Variants in WDR59 observed in about 807,000 individuals in gnomAD.
WDR59 encodes GATOR2 complex protein WDR59.
A neutral mutation model predicts 131.2 loss-of-function variants in WDR59; 100 were observed. The observed-to-expected ratio is 0.76, with a 90% CI of 0.65 to 0.90. The LOEUF (loss-of-function observed/expected upper bound fraction) is 0.90, where lower values mean the gene tolerates loss of function less well. WDR59 is among the 40% of genes least tolerant of loss of function. WDR59 has a pLI of 0.00. For missense variants in WDR59, 1,203 were observed against 1,262.2 expected (o/e 0.95, Z 0.71); for synonymous variants, 601 against 466.2 (o/e 1.29, Z -3.72).
chr16:74,884,957 C>T (rs943039788), intron 25 of WDR59, among the ~76,000 whole-genome samples: 2 of 152,304 alleles, frequency 1.3e-5, no homozygotes, highest in East Asian at 1.9e-4. Context: ...GCCCCCACAT[C>T]GTTTCTGTTT....
intron 1 of WDR59, 84 bp from the exon 2 acceptor site, chr16:74,965,906 C>G (rs1175447510): frequency 5.4e-6 from 8 of 1,491,662 alleles, no homozygotes; most frequent in Non-Finnish European, 7.5e-6. Flanking sequence ...CTTCCTCTTC[C>G]TGTCTCCCAA....
chr16:74,918,489 A>G (rs1002690170), intron 10 of WDR59, among the ~76,000 whole-genome samples: 1 of 152,128 alleles, frequency 6.6e-6, no homozygotes, highest in Non-Finnish European at 1.5e-5. Flanking sequence ...GGTTATTTCA[A>G]ATGCATCATG....
chr16:74,977,532 C>CA (rs962111074), intron 1 of WDR59, among the ~76,000 whole-genome samples: 3 of 151,830 alleles, frequency 2.0e-5, no homozygotes, highest in Non-Finnish European at 4.4e-5. Flanking sequence ...ACCAAAACTA[C>CA]AAAAAAATAG....
At chr16:74,882,427 T>C (rs772021728) in intron 25 of WDR59, among the ~76,000 whole-genome samples, 3 of 152,120 alleles carry the variant, frequency 2.0e-5, no homozygotes, top group Non-Finnish European at 2.9e-5. Flanking sequence ...CGTATTATTC[T>C]AGTTTGTTTC....
intron 24 of WDR59, 48 bp from the exon 25 acceptor site, chr16:74,885,843 A>C: frequency 6.2e-7 from 1 of 1,601,250 alleles, no homozygotes; most frequent in Non-Finnish European, 8.5e-7. Flanking sequence ...AAGAAAAAAC[A>C]AGCTTCATCC....
intron 17 of WDR59, among the ~76,000 whole-genome samples, chr16:74,904,910 C>T (rs1191977316): frequency 1.3e-5 from 2 of 152,194 alleles, no homozygotes; most frequent in Non-Finnish European, 2.9e-5. Context: ...GAAAGGAAAT[C>T]TTTTCATAAA....
chr16:74,904,219 G>A, intron 17 of WDR59, 119 bp from the exon 18 acceptor site: 1 of 1,267,952 alleles, frequency 7.9e-7, no homozygotes, highest in South Asian at 1.4e-5. Context: ...GGAAACTCCA[G>A]AAAAAGAAGT....
intron 17 of WDR59, among the ~76,000 whole-genome samples, chr16:74,905,711 AAAAAT>A (rs944403267): frequency 2.3e-4 from 35 of 151,438 alleles, no homozygotes; most frequent in South Asian, 1.5e-3. Context: ...TAAAAAATAA[AAAAAT>A]AAAATAAAAT....
intron 2 of WDR59, 29 bp downstream of exon 2, chr16:74,965,744 T>C (rs1215839787): frequency 1.2e-6 from 2 of 1,613,924 alleles, no homozygotes; most frequent in South Asian, 1.1e-5. Context: ...CCAGAAATCA[T>C]GGCAGACAAA....
chr16:74,980,811 A>C (rs2034372889), intron 1 of WDR59, among the ~76,000 whole-genome samples: 1 of 151,622 alleles, frequency 6.6e-6, no homozygotes, highest in Non-Finnish European at 1.5e-5. Context: ...ATCTCTACTA[A>C]AATACAAAAA....
At chr16:74,874,524 G>A (rs772246698) in intron 25 of WDR59, 80 bp from the exon 26 acceptor site, 2 of 1,244,292 alleles carry the variant, frequency 1.6e-6, no homozygotes, top group Non-Finnish European at 2.3e-6. Flanking sequence ...TTGCCAGGAA[G>A]AAGGAAGTCT....
intron 1 of WDR59, among the ~76,000 whole-genome samples, chr16:74,980,716 T>TA (rs1193045869): frequency 1.3e-5 from 2 of 152,078 alleles, no homozygotes; most frequent in African/African-American, 4.8e-5. Flanking sequence ...CTCACATCTG[T>TA]AATCCAGCGC....
intron 18 of WDR59, among the ~76,000 whole-genome samples, chr16:74,899,036 T>C (rs1965423523): frequency 6.6e-6 from 1 of 152,020 alleles, no homozygotes; most frequent in Admixed American, 6.6e-5. Context: ...TTGCACAGCG[T>C]GAGGTCACCT....
At chr16:74,888,792 C>T (rs1358077743) in intron 21 of WDR59, among the ~76,000 whole-genome samples, 2 of 152,152 alleles carry the variant, frequency 1.3e-5, no homozygotes, top group African/African-American at 2.4e-5. Context: ...AGCAGGCAAT[C>T]GACTCTGGAG....
At chr16:74,924,311 T>C (rs1243067457) in intron 8 of WDR59, among the ~76,000 whole-genome samples, 1 of 152,242 alleles carries the variant, frequency 6.6e-6, no homozygotes, top group Non-Finnish European at 1.5e-5. Context: ...TGTTTGATTT[T>C]GTATCACGTT....
intron 13 of WDR59, among the ~76,000 whole-genome samples, chr16:74,913,351 C>A (rs1334781074): frequency 6.6e-6 from 1 of 151,912 alleles, no homozygotes; most frequent in East Asian, 1.9e-4. Flanking sequence ...ACTGCAACCT[C>A]CACCTTCTGG....
chr16:74,874,496 GA>G (rs1964112610), intron 25 of WDR59, 52 bp from the exon 26 acceptor site: 1 of 1,534,318 alleles, frequency 6.5e-7, no homozygotes, highest in Non-Finnish European at 8.9e-7. Flanking sequence ...GTTTAGTTCT[GA>G]AAAAGGAAAC....
At chr16:74,926,632 G>GAT (rs2030837831) in intron 8 of WDR59, among the ~76,000 whole-genome samples, 1 of 152,118 alleles carries the variant, frequency 6.6e-6, no homozygotes, top group African/African-American at 2.4e-5. Context: ...AAAGTATAGG[G>GAT]ATATATATTC....
Position 74,887,720 on chromosome 16 carries a change from C to CA in WDR59, c.2381dup (p.Met794IlefsTer42). The CA allele has an allele frequency of 6.2e-7, 1 of 1,614,114 alleles. No homozygotes were observed. Among genetic ancestry groups the CA allele is most frequent in the Non-Finnish European group, 8.5e-7 (1 of 1,180,006 alleles). On this transcript the variant is annotated frameshift_variant, in exon 23 of 26. Coordinates refer to ENST00000262144, the MANE Select transcript of WDR59 (RefSeq NM_030581.4). LOFTEE classifies it high-confidence loss of function. ...CGCCAGTGTTGAGCCCTGGGTCTGACATACTGGAGCAGGAACCAGAAGAGG... is the reference window on the plus strand; with the variant it reads ...CGCCAGTGTTGAGCCCTGGGTCTGACAATACTGGAGCAGGAACCAGAAGAGG...
Sources: allele counts gnomAD v4.1 joint callset (sites outside exome capture counted in the v4.1 genomes callset), GRCh38; gene constraint gnomAD v4.1.1; transcripts MANE v1.5; gene names NCBI Gene and HGNC (gene_info 2026-07-23, HGNC 2026-07-21).